DIS3L2: variants seen among roughly 807,000 people sequenced by gnomAD.
DIS3L2 encodes DIS3-like exonuclease 2.
A neutral mutation model predicts 97.5 loss-of-function variants in DIS3L2; 34 were observed. The ratio of observed to expected loss-of-function variants is 0.35; its 90% confidence interval spans 0.27 to 0.46. The LOEUF is 0.46. Ranked by LOEUF, DIS3L2 falls within the 20% of genes least tolerant of loss-of-function variation. The pLI, the probability that DIS3L2 is intolerant of heterozygous loss-of-function variation, is 1.00. For missense variants in DIS3L2, 1,038 were observed against 1,146.0 expected (o/e 0.91, Z 1.36); for synonymous variants, 435 against 445.2 (o/e 0.98, Z 0.29).
At chr2:232,223,726 G>C (rs1692565552) in intron 10 of DIS3L2, among the ~76,000 whole-genome samples, 1 of 152,174 alleles carries the variant, frequency 6.6e-6, no homozygotes. Context: ...GATAATCCCT[G>C]GCACTTAGAA....
At position 232,249,215 on chromosome 2, in the gene DIS3L2, C is replaced by T. The variant is rs756526761; in HGVS notation, c.1318-24C>T. 6.2e-6 allele frequency: 10 copies of T among 1,611,282 alleles called. No homozygotes were observed. In the African/African-American group the frequency reaches 6.7e-5, roughly 11 times the overall value. ...CCTAAGCGGGTTGGAGAAAGGTGCT[C>T]ATGGGCCTGTGCTCTATTTACAGGT... is the stretch of plus-strand genomic sequence containing the variant. On this transcript the variant is annotated intron_variant, in intron 11 of 20. Coordinates refer to ENST00000325385, the MANE Select transcript of DIS3L2 (RefSeq NM_152383.5).
At chr2:232,010,054 G>A (rs1019352742) in intron 1 of DIS3L2, among the ~76,000 whole-genome samples, 2 of 152,194 alleles carry the variant, frequency 1.3e-5, no homozygotes, top group African/African-American at 4.8e-5. Context: ...AGTGTGGGAT[G>A]ATAGGAGCCC....
At chr2:232,258,508 C>T (rs902183875) in intron 12 of DIS3L2, among the ~76,000 whole-genome samples, 3 of 147,650 alleles carry the variant, frequency 2.0e-5, no homozygotes, top group Admixed American at 7.0e-5. Context: ...CACTTGGACC[C>T]GGGAGGCGGA....
chr2:231,998,508 A>G (rs574454286), intron 1 of DIS3L2, among the ~76,000 whole-genome samples: 2 of 152,344 alleles, frequency 1.3e-5, no homozygotes, highest in African/African-American at 4.8e-5. Context: ...TTAGTGCTTC[A>G]TATCAGGAGA....
At chr2:232,110,822 C>T (rs896141776) in intron 6 of DIS3L2, among the ~76,000 whole-genome samples, 4 of 151,848 alleles carry the variant, frequency 2.6e-5, no homozygotes, top group Non-Finnish European at 2.9e-5. Context: ...CCAAACATGG[C>T]ACATGTTTAC....
intron 1 of DIS3L2, among the ~76,000 whole-genome samples, chr2:232,012,069 C>T (rs1488227349): frequency 6.6e-6 from 1 of 152,200 alleles, no homozygotes; most frequent in Admixed American, 6.5e-5. Context: ...CTTATTCTTG[C>T]CAATTTTGTT....
intron 11 of DIS3L2, among the ~76,000 whole-genome samples, chr2:232,246,870 A>G (rs992783064): frequency 2.6e-5 from 4 of 152,302 alleles, no homozygotes; most frequent in Non-Finnish European, 5.9e-5. Context: ...ATTAATGAAA[A>G]CAGTGACTTT....
chr2:232,335,992 G>C (rs1466875774), intron 20 of DIS3L2, 118 bp downstream of exon 20: 6 of 1,529,156 alleles, frequency 3.9e-6, no homozygotes, highest in African/African-American at 1.4e-5. Context: ...GCAGCCTCCC[G>C]GGTGGGGTTT....
chr2:232,020,005 GAGA>G (rs747796454), intron 3 of DIS3L2, among the ~76,000 whole-genome samples: 12 of 151,936 alleles, frequency 7.9e-5, no homozygotes, highest in Non-Finnish European at 1.3e-4. Flanking sequence ...GAAGAATTAG[GAGA>G]AGAACATAGG....
At chr2:232,033,110 A>G (rs1267257846) in intron 5 of DIS3L2, among the ~76,000 whole-genome samples, 3 of 152,264 alleles carry the variant, frequency 2.0e-5, no homozygotes, top group African/African-American at 4.8e-5. Context: ...GATTCTTCCT[A>G]TCTATGAGCA....
chr2:232,263,295 C>A lies in DIS3L2; in HGVS notation c.1514C>A (p.Thr505Asn). 6 of 1,614,214 alleles carry A rather than the reference C, an allele frequency of 3.7e-6. No individual in the cohort carries two copies. The highest frequency in any genetic ancestry group is 5.1e-6 in the Non-Finnish European group (6 of 1,180,040). ...GCACAGAGCATGATTGAAAGCCCAA[C>A]TGAGAAAATCCCTGCGAAAGAGCTG... The part of the protein sequence containing the change: ...EHAQSMIESP[T>N]EKIPAKELPP... The change falls in exon 13 of 21, where the codon ACT (threonine) becomes AAT (asparagine). Residue 505 changes from threonine (T) to asparagine (N), a missense_variant. Thr to Asn is a moderately conservative substitution (Grantham distance 65). Coordinates refer to ENST00000325385, the MANE Select transcript of DIS3L2 (RefSeq NM_152383.5).
intron 13 of DIS3L2, among the ~76,000 whole-genome samples, chr2:232,272,398 T>C (rs1694031666): frequency 6.6e-6 from 1 of 152,208 alleles, no homozygotes; most frequent in Non-Finnish European, 1.5e-5. Flanking sequence ...GCACAGTCTC[T>C]TGAAACAGGG....
chr2:232,176,145 C>T (rs1366308024), intron 9 of DIS3L2, among the ~76,000 whole-genome samples: 2 of 152,250 alleles, frequency 1.3e-5, no homozygotes, highest in Non-Finnish European at 2.9e-5. Flanking sequence ...CCCACCTTGG[C>T]CTCCCAAAGT....
chr2:232,188,845 A>G (rs937448947), intron 9 of DIS3L2, among the ~76,000 whole-genome samples: 5 of 152,230 alleles, frequency 3.3e-5, no homozygotes, highest in Non-Finnish European at 7.3e-5. Flanking sequence ...CACATATCCA[A>G]CAAGAGACTA....
At chr2:232,210,835 C>T (rs538776363) in intron 10 of DIS3L2, among the ~76,000 whole-genome samples, 2 of 151,810 alleles carry the variant, frequency 1.3e-5, no homozygotes, top group South Asian at 2.1e-4. Flanking sequence ...GCATGCTTCT[C>T]GGTGGGTAGC....
chr2:232,305,415 G>C (rs1436574899), intron 14 of DIS3L2, among the ~76,000 whole-genome samples: 1 of 152,122 alleles, frequency 6.6e-6, no homozygotes, highest in Admixed American at 6.5e-5. Flanking sequence ...CAGAAGTTCT[G>C]TTTGGTGCTT....
chr2:232,184,886 C>A (rs1236564395), intron 9 of DIS3L2, among the ~76,000 whole-genome samples: 19 of 152,210 alleles, frequency 1.2e-4, no homozygotes, highest in Admixed American at 1.2e-3. Flanking sequence ...TCATAGTTCT[C>A]TGTCTTACCT....
At position 232,333,851 on chromosome 2, in the gene DIS3L2, C is replaced by A; in HGVS notation, c.2022C>A (p.Tyr674Ter). The change falls in exon 17 of 21, where the codon TAC becomes TAA. Residue 674 changes from tyrosine to a stop codon, truncating the protein, a stop_gained. Transcript: ENST00000325385. LOFTEE classifies it high-confidence loss of function. ...ATCCCGTCCCGCAGATGGCACTGTACTTCTGCTCGGGGCTGCTGCAGGACC... is the reference window on the plus strand; with the variant it reads ...ATCCCGTCCCGCAGATGGCACTGTAATTCTGCTCGGGGCTGCTGCAGGACC... ...MCSRPMQMAL[Y>*]FCSGLLQDPA... 1 of 1,611,568 alleles carries A rather than the reference C, an allele frequency of 6.2e-7. No homozygotes were observed. Among genetic ancestry groups the A allele is most frequent in the Non-Finnish European group, 8.5e-7 (1 of 1,179,234 alleles).
chr2:232,214,430 C>T (rs1017154622), intron 10 of DIS3L2, among the ~76,000 whole-genome samples: 14 of 152,214 alleles, frequency 9.2e-5, no homozygotes, highest in Middle Eastern at 3.4e-3. Context: ...CCATTTATGC[C>T]TCTCGGGCCC....
Sources: gnomAD v4.1 joint callset for allele counts (sites outside exome capture counted in the v4.1 genomes callset) on GRCh38, gnomAD v4.1.1 for gene constraint, MANE v1.5 for transcripts, NCBI Gene and HGNC (gene_info 2026-07-23, HGNC 2026-07-21) for gene names.